The following IGF2BP2 variants were observed in gnomAD, a reference collection of about 807,000 sequenced individuals.
IGF2BP2 encodes insulin-like growth factor 2 mRNA-binding protein 2.
IGF2BP2 carries 17 observed loss-of-function variants against 75.8 expected under a neutral mutation model. The ratio of observed to expected loss-of-function variants is 0.22; its 90% CI spans 0.15 to 0.34. IGF2BP2 has a LOEUF of 0.34. Ranked by LOEUF, IGF2BP2 falls within the 10% of genes least tolerant of loss-of-function variation. The pLI, the probability that IGF2BP2 is intolerant of heterozygous loss-of-function variation, is 1.00. For synonymous variants in IGF2BP2, 288 were observed against 295.6 expected, an observed-to-expected ratio of 0.97 and a Z score of 0.26; for missense variants, 516 against 772.4, an observed-to-expected ratio of 0.67 and a Z score of 3.93.
intron 2 of IGF2BP2, among the ~76,000 whole-genome samples, chr3:185,808,132 A>AAAG (rs1739287838): frequency 7.8e-6 from 1 of 128,730 alleles, no homozygotes; most frequent in Admixed American, 8.0e-5. Context: ...AAAAAAAAAA[A>AAAG]AAAGAAAGAA....
intron 2 of IGF2BP2, among the ~76,000 whole-genome samples, chr3:185,704,051 A>G (rs932833588): frequency 4.5e-4 from 68 of 152,274 alleles, no homozygotes; most frequent in African/African-American, 1.6e-3. Context: ...GAGAGGCAAC[A>G]TAGAGGGCCT....
intron 2 of IGF2BP2, among the ~76,000 whole-genome samples, chr3:185,822,571 C>T (rs757685396): frequency 6.6e-6 from 1 of 152,144 alleles, no homozygotes; most frequent in Admixed American, 6.6e-5. Flanking sequence ...GCAACAACAA[C>T]AAAATGCTCA....
At chr3:185,772,771 G>T (rs753930437) in intron 2 of IGF2BP2, among the ~76,000 whole-genome samples, 5 of 151,772 alleles carry the variant, frequency 3.3e-5, no homozygotes, top group Non-Finnish European at 7.4e-5. Context: ...TAGTACAGAC[G>T]GGGTTTCACC....
chr3:185,778,608 T>C (rs934686215), intron 2 of IGF2BP2, among the ~76,000 whole-genome samples: 19 of 152,314 alleles, frequency 1.2e-4, no homozygotes, highest in African/African-American at 4.1e-4. Context: ...AGTCTCATTA[T>C]CAGGATGGCA....
At chr3:185,696,794 A>G (rs982152408) in intron 3 of IGF2BP2, 131 bp from the exon 4 acceptor site, 6 of 747,658 alleles carry the variant, frequency 8.0e-6, no homozygotes, top group African/African-American at 3.5e-5. Context: ...AATTAAATTG[A>G]TATCTCAGGT....
chr3:185,751,739 C>T (rs1419518207), intron 2 of IGF2BP2, among the ~76,000 whole-genome samples: 2 of 151,902 alleles, frequency 1.3e-5, no homozygotes, highest in Non-Finnish European at 2.9e-5. Context: ...CCGAGACGGG[C>T]GGATCACGAG....
chr3:185,650,405 G>A (rs1714394119), intron 13 of IGF2BP2, among the ~76,000 whole-genome samples: 1 of 151,872 alleles, frequency 6.6e-6, no homozygotes, highest in African/African-American at 2.4e-5. Context: ...GTCCAGGCGT[G>A]GTGGCTCACA....
rs559469603 is a variant in IGF2BP2 at position 185,776,922 on chromosome 3, A to T, written c.239+46231T>A. Among the ~76,000 whole-genome samples, 12 of 152,374 alleles carry T rather than the reference A, an allele frequency of 7.9e-5. No homozygotes were observed. The South Asian group carries it at 2.5e-3, about 32-fold the overall frequency. On this transcript the variant is annotated intron_variant, in intron 2 of 15. Coordinates refer to ENST00000382199, the MANE Select transcript of IGF2BP2 (RefSeq NM_006548.6). ...CAATAAAACAGTGCAATATAAATGA[A>T]ATGAATACATCAGGGTAAGAAAATA...
intron 2 of IGF2BP2, among the ~76,000 whole-genome samples, chr3:185,811,056 C>CAT (rs1171997925): frequency 1.3e-5 from 2 of 151,842 alleles, no homozygotes; most frequent in African/African-American, 2.4e-5. Context: ...ACATATTCAG[C>CAT]ATATATATAC....
At chr3:185,743,817 A>G (rs1356112233) in intron 2 of IGF2BP2, among the ~76,000 whole-genome samples, 1 of 152,234 alleles carries the variant, frequency 6.6e-6, no homozygotes, top group African/African-American at 2.4e-5. Flanking sequence ...CTTTGGTGAA[A>G]TCAACGAATT....
At chr3:185,808,596 A>G (rs555489650) in intron 2 of IGF2BP2, among the ~76,000 whole-genome samples, 192 of 151,018 alleles carry the variant, frequency 1.3e-3, no homozygotes, top group Non-Finnish European at 2.0e-3. Context: ...CTCTCTCTCT[A>G]TTACCCAGGC....
rs376662868 is a variant in IGF2BP2, at chr3:185,675,270, C to T, written c.1071+26G>A. 6.3e-5 allele frequency: 101 copies of T among 1,594,916 alleles called. No homozygotes were observed. The African/African-American group carries it at 8.7e-4, about 14-fold the overall frequency. ...GTATTTTTAGCCTAGTGAAAACCAG[C>T]GGAGAAGAAAGCATTAGGGACTTAC... On this transcript the variant is annotated intron_variant, in intron 9 of 15. Coordinates refer to ENST00000382199, the MANE Select transcript of IGF2BP2 (RefSeq NM_006548.6).
chr3:185,793,496 T>C (rs1041869450), intron 2 of IGF2BP2, among the ~76,000 whole-genome samples: 1 of 152,190 alleles, frequency 6.6e-6, no homozygotes, highest in Non-Finnish European at 1.5e-5. Flanking sequence ...ACAGTCTGTG[T>C]GTGTGTGTAA....
At position 185,788,464 on chromosome 3, in the gene IGF2BP2, T is replaced by C. The variant is rs1366012955; in HGVS notation, c.239+34689A>G. ...AGCTAGAAGCTGCAGAGAGCTATGA[T>C]TGCGCCACTGCACTCTCAGCCTGGG... is the stretch of plus-strand genomic sequence containing the variant. On this transcript the variant is annotated intron_variant, in intron 2 of 15. Transcript: ENST00000382199. 4.6e-5 allele frequency among the ~76,000 whole-genome samples: 7 copies of C among 152,122 alleles called. No individual in the cohort carries two copies. In the East Asian group the frequency reaches 1.2e-3, roughly 25 times the overall value.
intron 2 of IGF2BP2, among the ~76,000 whole-genome samples, chr3:185,791,473 TAA>T (rs1047245718): frequency 6.6e-6 from 1 of 152,196 alleles, no homozygotes; most frequent in Admixed American, 6.5e-5. Flanking sequence ...ATGGAGAAAG[TAA>T]AAGTTTTTCT....
chr3:185,676,043 G>T, intron 7 of IGF2BP2, 130 bp from the exon 8 acceptor site: 1 of 1,197,306 alleles, frequency 8.4e-7, no homozygotes, highest in Admixed American at 2.4e-5. Flanking sequence ...TGGGATTTGG[G>T]AGAGGTCAGG....
chr3:185,650,120 A>G (rs1429463595), intron 13 of IGF2BP2, among the ~76,000 whole-genome samples: 2 of 137,498 alleles, frequency 1.5e-5, no homozygotes, highest in Non-Finnish European at 3.1e-5. Flanking sequence ...GATGAGGTCT[A>G]TGTTGCCCAG....
At chr3:185,698,236 T>G (rs1722833884) in intron 3 of IGF2BP2, 63 bp downstream of exon 3, 1 of 1,449,458 alleles carries the variant, frequency 6.9e-7, no homozygotes, top group African/African-American at 1.4e-5. Context: ...TTCCTAAATG[T>G]AAAATGGAAC....
intron 2 of IGF2BP2, among the ~76,000 whole-genome samples, chr3:185,812,023 G>A (rs1293793037): frequency 6.6e-6 from 1 of 152,148 alleles, no homozygotes; most frequent in African/African-American, 2.4e-5. Context: ...CTGTTTTAAA[G>A]TAATATCCTG....
Sources: allele counts gnomAD v4.1 joint callset (sites outside exome capture counted in the v4.1 genomes callset), GRCh38; gene constraint gnomAD v4.1.1; transcripts MANE v1.5; gene names NCBI Gene and HGNC (gene_info 2026-07-23, HGNC 2026-07-21).